Variants in SMIM35 observed in about 807,000 individuals in gnomAD.
The protein encoded by SMIM35 is TMPRSS4 antisense RNA 1 (non-protein coding).
intron 4 of SMIM35, among the ~76,000 whole-genome samples, chr11:118,010,660 G>A (rs146619924): frequency 5.4e-4 from 82 of 152,302 alleles, no homozygotes; most frequent in African/African-American, 1.9e-3. Flanking sequence ...CAGCAAAGAC[G>A]GACTTGGGCC....
At chr11:118,037,322 C>A (rs1053720859) in intron 1 of SMIM35, among the ~76,000 whole-genome samples, 7 of 152,176 alleles carry the variant, frequency 4.6e-5, no homozygotes, top group African/African-American at 1.2e-4. Context: ...CCATTTGTAG[C>A]TTTACAGCTT....
intron 4 of SMIM35, among the ~76,000 whole-genome samples, chr11:118,008,755 T>C (rs2058135682): frequency 6.6e-6 from 1 of 152,188 alleles, no homozygotes; most frequent in Non-Finnish European, 1.5e-5. Context: ...TCCTGAGAAG[T>C]TCCTGGCTAT....
chr11:118,058,517 C>A (rs906507950), intron 1 of SMIM35, among the ~76,000 whole-genome samples: 1 of 152,056 alleles, frequency 6.6e-6, no homozygotes, highest in Non-Finnish European at 1.5e-5. Context: ...GAATGGGGTG[C>A]GAAACCACAG....
rs1944233374 is a variant in SMIM35, at chr11:118,052,535, A to C, written c.7+34216T>G. ...ATAATTTTGTATTCTTCATCTAAGAAAGCCTCAAAACTATGTAAGCCTCAG... is the reference window on the plus strand; with the variant it reads ...ATAATTTTGTATTCTTCATCTAAGACAGCCTCAAAACTATGTAAGCCTCAG... On this transcript the variant is annotated intron_variant, in intron 1 of 4. Transcript: ENST00000689828. Among the ~76,000 whole-genome samples, 4 of 152,242 alleles carry C rather than the reference A, an allele frequency of 2.6e-5. No homozygotes were observed. In the South Asian group the frequency reaches 8.3e-4, roughly 32 times the overall value.
chr11:118,036,845 A>G (rs1268953573), intron 1 of SMIM35, among the ~76,000 whole-genome samples: 2 of 152,208 alleles, frequency 1.3e-5, no homozygotes, highest in Non-Finnish European at 2.9e-5. Flanking sequence ...AGGGGACCCA[A>G]AGAAGGTAGC....
intron 1 of SMIM35, among the ~76,000 whole-genome samples, chr11:118,023,841 T>G (rs2058252128): frequency 6.6e-6 from 1 of 152,060 alleles, no homozygotes. Context: ...CAGACGAGCC[T>G]GGCCAAAATA....
At chr11:118,033,437 T>G (rs1308834459) in intron 1 of SMIM35, among the ~76,000 whole-genome samples, 4 of 152,242 alleles carry the variant, frequency 2.6e-5, no homozygotes, top group Non-Finnish European at 5.9e-5. Context: ...TAAATAGAAT[T>G]TAAATTCGAT....
At chr11:118,037,961 T>C (rs1203413078) in intron 1 of SMIM35, among the ~76,000 whole-genome samples, 1 of 152,240 alleles carries the variant, frequency 6.6e-6, no homozygotes, top group Non-Finnish European at 1.5e-5. Context: ...CTCTGGTTTC[T>C]TTTCAGAGTT....
chr11:118,030,317 G>A (rs2058307849), intron 1 of SMIM35, among the ~76,000 whole-genome samples: 1 of 152,126 alleles, frequency 6.6e-6, no homozygotes, highest in African/African-American at 2.4e-5. Context: ...TTACAGGTGT[G>A]AGCCATCGCA....
At chr11:118,032,665 G>A (rs2058328785) in intron 1 of SMIM35, among the ~76,000 whole-genome samples, 1 of 152,136 alleles carries the variant, frequency 6.6e-6, no homozygotes, top group Non-Finnish European at 1.5e-5. Context: ...CCCAGCCTTT[G>A]AGAGGCCGAG....
intron 1 of SMIM35, among the ~76,000 whole-genome samples, chr11:118,024,127 CA>C (rs1322554831): frequency 1.3e-5 from 2 of 149,228 alleles, no homozygotes; most frequent in East Asian, 4.5e-4. Flanking sequence ...CGAGGGAAAA[CA>C]GAAAAAAAAA....
At chr11:118,075,805 A>G (rs1371879490) in intron 1 of SMIM35, among the ~76,000 whole-genome samples, 1 of 152,228 alleles carries the variant, frequency 6.6e-6, no homozygotes, top group African/African-American at 2.4e-5. Flanking sequence ...TGGGTCATTG[A>G]CTTTGCCTCT....
At chr11:118,077,377 C>T (rs1944736254) in intron 1 of SMIM35, 2 of 1,494,720 alleles carry the variant, frequency 1.3e-6, no homozygotes, top group Non-Finnish European at 1.8e-6. Flanking sequence ...TTCAAGCAGC[C>T]TGAGCATCCA....
intron 1 of SMIM35, among the ~76,000 whole-genome samples, chr11:118,075,655 C>G (rs1378807618): frequency 1.3e-5 from 2 of 152,122 alleles, no homozygotes; most frequent in Non-Finnish European, 2.9e-5. Context: ...AATTAAAGGG[C>G]TGATACACAG....
At chr11:118,074,737 A>C (rs1591313406) in intron 1 of SMIM35, among the ~76,000 whole-genome samples, 11 of 124,474 alleles carry the variant, frequency 8.8e-5, no homozygotes, top group African/African-American at 9.3e-5. Context: ...ACAGAGGGGG[A>C]CCCTGTCTCA....
intron 1 of SMIM35, among the ~76,000 whole-genome samples, chr11:118,064,806 G>T (rs1333968389): frequency 3.3e-5 from 5 of 152,142 alleles, no homozygotes; most frequent in Admixed American, 3.3e-4. Flanking sequence ...ACCACGCCTG[G>T]CTACTTTTTG....
At chr11:118,043,313 A>G (rs1298370331) in intron 1 of SMIM35, among the ~76,000 whole-genome samples, 3 of 152,078 alleles carry the variant, frequency 2.0e-5, no homozygotes, top group Non-Finnish European at 2.9e-5. Flanking sequence ...TAAGGAATCC[A>G]CAGACAAATG....
chr11:118,075,797 G>A lies in SMIM35; in HGVS notation c.7+10954C>T, dbSNP rs1403905055. On this transcript the variant is annotated intron_variant, in intron 1 of 4. Transcript: ENST00000689828. ...GACACTAATTCATTATGTGACTTTG[G>A]GTCATTGACTTTGCCTCTCTGGAAT... Among the ~76,000 whole-genome samples the A allele has an allele frequency of 2.0e-5, 3 of 152,182 alleles. No individual in the cohort carries two copies. The East Asian group carries it at 5.8e-4, about 29-fold the overall frequency.
chr11:118,072,608 G>C (rs1944589950), intron 1 of SMIM35, among the ~76,000 whole-genome samples: 1 of 152,204 alleles, frequency 6.6e-6, no homozygotes, highest in African/African-American at 2.4e-5. Context: ...GGAGAGGAAG[G>C]AGGAAGGGAG....
Sources: gnomAD v4.1 joint callset for allele counts (sites outside exome capture counted in the v4.1 genomes callset) on GRCh38, gnomAD v4.1.1 for gene constraint, MANE v1.5 for transcripts, NCBI Gene and HGNC (gene_info 2026-07-23, HGNC 2026-07-21) for gene names.